The following ZNF816 variants were observed in gnomAD, a reference collection of about 807,000 sequenced individuals.
ZNF816 encodes zinc finger protein 816A.
ZNF816 carries 11 observed loss-of-function variants against 8.3 expected under a neutral mutation model. The ratio of observed to expected loss-of-function variants is 1.32; its 90% CI spans 0.83 to 2.19. The LOEUF (loss-of-function observed/expected upper bound fraction) is 2.19. Among genes scored for constraint, ZNF816 ranks in the 30% most tolerant of loss-of-function variants. The pLI is 0.00. For synonymous variants in ZNF816, 255 were observed against 254.5 expected, an observed-to-expected ratio of 1.00 and a Z score of -0.02; for missense variants, 710 against 779.3, an observed-to-expected ratio of 0.91 and a Z score of 1.06.
intron 1 of ZNF816, among the ~76,000 whole-genome samples, chr19:52,960,534 T>C (rs912490235): frequency 5.3e-5 from 8 of 152,058 alleles, no homozygotes; most frequent in African/African-American, 1.7e-4. Flanking sequence ...TCTGGAAAGG[T>C]GGAGTGAATG....
At position 52,950,398 on chromosome 19, in the gene ZNF816, G is replaced by A. The variant is rs746251517; in HGVS notation, c.1377C>T (p.Gly459=). 1.9e-6 allele frequency: 3 copies of A among 1,612,162 alleles called. No homozygotes were observed. The highest frequency in any genetic ancestry group is 1.7e-6 in the Non-Finnish European group (2 of 1,179,572). ...GGGATGACTTCCGACTGAAACTCCT[G>A]CCACATTTATTACACTTGTATGGTT... ...GEKPYKCNKC[G]RSFSRKSSLQ... is the part of the protein sequence containing the mutation. The change falls in exon 4 of 4, where the codon GGC becomes GGT. Residue 459 remains glycine, a synonymous_variant. Transcript: ENST00000444460.
At chr19:52,952,562 G>A in intron 3 of ZNF816, 189 bp downstream of exon 3, 2 of 1,123,204 alleles carry the variant, frequency 1.8e-6, no homozygotes, top group South Asian at 1.6e-5. Flanking sequence ...CTGTTTTTAT[G>A]TAAAACCACT....
rs139485572 is a variant in ZNF816, at chr19:52,951,765, G to A, written c.191-181C>T. 1,119 of 601,298 alleles carry A rather than the reference G, an allele frequency of 1.9e-3. 14 individuals are homozygous for A. The highest frequency in any genetic ancestry group is 0.018 in the African/African-American group (960 of 52,118). 37.2% of individuals were successfully genotyped at this position (601,298 alleles called of 1,614,324 possible). ...ATACAAAAATTAGCCAGTCATGGTG[G>A]TGGGTGCCTGTAATCCCAGCTACTC... On this transcript the variant is annotated intron_variant, in intron 3 of 3. Transcript: ENST00000444460.
intron 1 of ZNF816, among the ~76,000 whole-genome samples, chr19:52,958,599 G>A (rs1374437323): frequency 6.6e-6 from 1 of 152,150 alleles, no homozygotes; most frequent in Non-Finnish European, 1.5e-5. Context: ...TGTGCCAAGG[G>A]AAAGGATGCC....
chr19:52,956,113 T>TA lies in ZNF816; in HGVS notation c.-15-10dup. 6.3e-7 allele frequency: 1 copy of TA among 1,599,038 alleles called. No individual in the cohort carries two copies. Among genetic ancestry groups the TA allele is most frequent in the Non-Finnish European group, 8.5e-7 (1 of 1,176,018 alleles). On this transcript the variant is annotated splice_polypyrimidine_tract_variant and intron_variant, in intron 1 of 3. Coordinates refer to ENST00000444460, the MANE Select transcript of ZNF816 (RefSeq NM_001202457.3). Reference sequence around the variant, plus strand: ...ATGAGTCTTTGGAAATCCTGTATGTTAAAAAAGCAAGAGATTTAATATTTA... The same window carrying TA: ...ATGAGTCTTTGGAAATCCTGTATGTTAAAAAAAGCAAGAGATTTAATATTTA...
rs892002628 is a variant in ZNF816 at position 52,952,566 on chromosome 19, A to G, written c.190+185T>C. Reference sequence around the variant, plus strand: ...TCGTGAATTTTCTGTTTTTATGTAAAACCACTCCAAAGAAGAGTCTCTAAG... The same window carrying G: ...TCGTGAATTTTCTGTTTTTATGTAAGACCACTCCAAAGAAGAGTCTCTAAG... On this transcript the variant is annotated intron_variant, in intron 3 of 3. Transcript: ENST00000444460. The G allele has an allele frequency of 3.4e-5, 39 of 1,159,760 alleles. No homozygotes were observed. In the Admixed American group the frequency reaches 9.7e-4, roughly 29 times the overall value. The allele number at this position is 1,159,760 out of a possible 1,614,324, so 71.8% of individuals were successfully genotyped here. A position where few individuals can be genotyped will look rare whatever the true frequency, so the allele number is the denominator to read the frequency against.
At chr19:52,954,813 CAA>C (rs543817856) in intron 2 of ZNF816, among the ~76,000 whole-genome samples, 9 of 91,948 alleles carry the variant, frequency 9.8e-5, no homozygotes, top group Admixed American at 2.6e-4. Flanking sequence ...AAAAAACATG[CAA>C]AAAAAAAAAA....
In ZNF816 at chr19:52,949,764, G is replaced by C; in HGVS notation, c.*55C>G. The C allele has an allele frequency of 6.2e-7, 1 of 1,609,842 alleles. No individual in the cohort carries two copies. Among genetic ancestry groups the C allele is most frequent in the Non-Finnish European group, 8.5e-7 (1 of 1,177,714 alleles). On this transcript the variant is annotated 3_prime_UTR_variant, in exon 4 of 4. Transcript: ENST00000444460. ...CACTTGTAGATCTCTCTTCAATATG[G>C]ATTCTGTAATGATTTGCAATGGTTG...
chr19:52,960,711 C>G lies in ZNF816; in HGVS notation c.-16+2016G>C, dbSNP rs146129847. 6.0e-3 allele frequency among the ~76,000 whole-genome samples: 913 copies of G among 152,298 alleles called. 3 individuals carry two copies. Among genetic ancestry groups the G allele is most frequent in the African/African-American group, 0.018 (727 of 41,540 alleles). On this transcript the variant is annotated intron_variant, in intron 1 of 3. Coordinates refer to ENST00000444460, the MANE Select transcript of ZNF816 (RefSeq NM_001202457.3). Reference sequence around the variant, plus strand: ...GGAACGTAGCCCCTGTGTGCCCCCACTGGAAAGTACCCCAGACCGTCATCC... The same window carrying G: ...GGAACGTAGCCCCTGTGTGCCCCCAGTGGAAAGTACCCCAGACCGTCATCC...
At chr19:52,953,521 ATTTATAATATATAATATATAAT>A (rs2083480545) in intron 2 of ZNF816, 1 of 45,044 alleles carries the variant, frequency 2.2e-5, no homozygotes, top group African/African-American at 4.6e-4. Context: ...TATAATATAT[ATTTATAATATATAATATATAAT>A]ACAATATTAT....
At chr19:52,959,532 T>C (rs148863729) in intron 1 of ZNF816, among the ~76,000 whole-genome samples, 162 of 152,306 alleles carry the variant, frequency 1.1e-3, no homozygotes, top group African/African-American at 3.7e-3. Flanking sequence ...GACACTGCCA[T>C]TGATGCCAGA....
At chr19:52,956,935 C>T (rs2083515561) in intron 1 of ZNF816, among the ~76,000 whole-genome samples, 1 of 152,168 alleles carries the variant, frequency 6.6e-6, no homozygotes, top group Non-Finnish European at 1.5e-5. Flanking sequence ...TCTGTAAATT[C>T]TAGACATTGT....
chr19:52,958,100 GAA>G (rs763117307), intron 1 of ZNF816, among the ~76,000 whole-genome samples: 19 of 152,160 alleles, frequency 1.2e-4, no homozygotes, highest in Non-Finnish European at 2.5e-4. Context: ...AGAAGATCTT[GAA>G]AGTATCCAGG....
At chr19:52,955,637 AG>A (rs2083503343) in intron 2 of ZNF816, among the ~76,000 whole-genome samples, 1 of 152,238 alleles carries the variant, frequency 6.6e-6, no homozygotes, top group African/African-American at 2.4e-5. Flanking sequence ...AGAATTTACC[AG>A]ATTAACCAGT....
chr19:52,954,040 C>CAAAAA (rs754620563), intron 2 of ZNF816, among the ~76,000 whole-genome samples: 3,161 of 94,338 alleles, frequency 0.034, 110 homozygotes, highest in South Asian at 0.092. Context: ...GACTCTTTCT[C>CAAAAA]AAAAAAAAAA....
Position 52,950,723 on chromosome 19 carries a change from C to T in ZNF816, c.1052G>A (p.Gly351Asp). Residue 351 changes from glycine to aspartate, a missense_variant, in exon 4 of 4, where the codon GGT becomes GAT. Gly to Asp is a moderately conservative substitution (Grantham distance 94, BLOSUM62 -1). Coordinates refer to ENST00000444460, the MANE Select transcript of ZNF816 (RefSeq NM_001202457.3). The stretch of plus-strand genomic sequence containing the variant: ...ATGAATTACAAGGGCTGAATTTCGA[C>T]CAAAAGTCTTGCCACACTCATTACA... ...YKCNECGKTF[G>D]RNSALVIHKA... 6 of 1,613,462 alleles carry T rather than the reference C, an allele frequency of 3.7e-6. No individual in the cohort carries two copies. The highest frequency in any genetic ancestry group is 3.4e-6 in the Non-Finnish European group (4 of 1,179,888).
At chr19:52,958,270 AGTACCTAACCC>A (rs1158339922) in intron 1 of ZNF816, among the ~76,000 whole-genome samples, 1 of 152,200 alleles carries the variant, frequency 6.6e-6, no homozygotes, top group Non-Finnish European at 1.5e-5. Context: ...TACATCCAAC[AGTACCTAACCC>A]GTACACGTTA....
At chr19:52,959,564 GC>G (rs753775018) in intron 1 of ZNF816, among the ~76,000 whole-genome samples, 1 of 152,142 alleles carries the variant, frequency 6.6e-6, no homozygotes, top group African/African-American at 2.4e-5. Context: ...GGGCACTTCA[GC>G]CCAGAAAGCC....
In ZNF816 at chr19:52,950,066, C is replaced by A; in HGVS notation, c.1709G>T (p.Cys570Phe). ...TGEKPYKCNK[C>F]AKVFNQKGIL... is the part of the protein sequence containing the mutation. ...TCCTTTTTGATTAAAAACCTTCGCA[C>A]ATTTATTACACTTGTAAGGTTTCTC... The change falls in exon 4 of 4, where the codon TGT becomes TTT. Residue 570 changes from cysteine (C) to phenylalanine (F), a missense_variant. Cys to Phe is a radical substitution (Grantham distance 205). Transcript: ENST00000444460. 1 of 1,614,024 alleles carries A rather than the reference C, an allele frequency of 6.2e-7. No individual in the cohort carries two copies. Among genetic ancestry groups the A allele is most frequent in the Non-Finnish European group, 8.5e-7 (1 of 1,179,964 alleles).
Sources: allele counts gnomAD v4.1 joint callset (sites outside exome capture counted in the v4.1 genomes callset), GRCh38; gene constraint gnomAD v4.1.1; transcripts MANE v1.5; gene names NCBI Gene and HGNC (gene_info 2026-07-23, HGNC 2026-07-21).